The following STARD9 variants were observed in gnomAD, a reference collection of about 807,000 sequenced individuals.
STARD9 encodes the protein stAR-related lipid transfer protein 9.
STARD9 carries 346 observed loss-of-function variants against 399.8 expected under a neutral mutation model. That is an observed-to-expected ratio of 0.87 (90% CI 0.79 to 0.95). STARD9 has a LOEUF of 0.95. STARD9 is among the 40% of genes least tolerant of loss of function. The pLI is 0.00. For synonymous variants in STARD9, 2,203 were observed against 2,143.5 expected, an observed-to-expected ratio of 1.03 and a Z score of -0.77; for missense variants, 5,832 against 5,667.5, an observed-to-expected ratio of 1.03 and a Z score of -0.93.
intron 7 of STARD9, among the ~76,000 whole-genome samples, chr15:42,639,076 C>T (rs747751178): frequency 3.3e-5 from 5 of 152,132 alleles, no homozygotes; most frequent in Non-Finnish European, 5.9e-5. Flanking sequence ...TGGCAAAGAA[C>T]GTTGGAAAGT....
chr15:42,647,663 T>C (rs991708682), intron 7 of STARD9, among the ~76,000 whole-genome samples: 1 of 152,166 alleles, frequency 6.6e-6, no homozygotes, highest in African/African-American at 2.4e-5. Flanking sequence ...TCCTTTTGCT[T>C]TGTTTTACCT....
At chr15:42,718,666 G>A (rs2061395884) in intron 31 of STARD9, 86 bp from the exon 32 acceptor site, 3 of 1,478,384 alleles carry the variant, frequency 2.0e-6, no homozygotes, top group African/African-American at 1.4e-5. Context: ...GCCCAGTGTT[G>A]CCTTTCACCA....
Position 42,689,857 on chromosome 15 carries a change from T to C in STARD9, c.8279T>C (p.Leu2760Pro). The C allele has an allele frequency of 1.3e-6, 2 of 1,537,376 alleles. No homozygotes were observed. Among genetic ancestry groups the C allele is most frequent in the South Asian group, 2.4e-5 (2 of 84,062 alleles). ...YDDPRVTLHE[L>P]SQSVPQETAE... ...GATCCTAGAGTGACTCTGCATGAGC[T>C]AAGTCAGTCAGTTCCGCAGGAGACT... Residue 2760 changes from leucine to proline, a missense_variant, in exon 23 of 33, where the codon CTA (leucine) becomes CCA (proline). By Grantham distance (98) the Leu-to-Pro change is moderately conservative. Coordinates refer to ENST00000290607, the MANE Select transcript of STARD9 (RefSeq NM_020759.3).
rs780625911 is a variant in STARD9 at position 42,692,715 on chromosome 15, G to A, written c.11137G>A (p.Asp3713Asn). The A allele has an allele frequency of 6.5e-7, 1 of 1,537,070 alleles. No individual in the cohort carries two copies. The highest frequency in any genetic ancestry group is 1.2e-5 in the South Asian group (1 of 84,042). ...VARREQNTKR[D>N]IPDKAPQALM... ...CAGAAGGGAGCAGAACACCAAGAGGGACATCCCAGATAAAGCCCCACAGGC... is the reference window on the plus strand; with the variant it reads ...CAGAAGGGAGCAGAACACCAAGAGGAACATCCCAGATAAAGCCCCACAGGC... Residue 3713 changes from aspartate (D) to asparagine (N), a missense_variant, in exon 23 of 33, where the codon GAC becomes AAC. Transcript: ENST00000290607.
chr15:42,692,383 G>T lies in STARD9; in HGVS notation c.10805G>T (p.Ser3602Ile), dbSNP rs964872636. The T allele has an allele frequency of 2.6e-6, 4 of 1,536,884 alleles. No individual in the cohort carries two copies. The African/African-American group carries it at 5.5e-5, about 21-fold the overall frequency. Residue 3602 changes from serine (S) to isoleucine (I), a missense_variant, in exon 23 of 33, where the codon AGT becomes ATT. Ser to Ile is a moderately radical substitution (Grantham distance 142, BLOSUM62 -2). Around this residue, in one of 2 missense-constraint regions of STARD9, gnomAD observed 5,828 missense variants for 5,651.1 expected, o/e 1.03. Coordinates refer to ENST00000290607, the MANE Select transcript of STARD9 (RefSeq NM_020759.3). ...TCTGGTGAAGCAGACTGTCTGAGGA[G>T]TAAGCCCCCCTTGGCCAAAGGAAGT... ...GPSGEADCLRSKPPLAKGSAA... is the reference protein window; with the variant it reads ...GPSGEADCLRIKPPLAKGSAA...
intron 7 of STARD9, among the ~76,000 whole-genome samples, chr15:42,640,782 T>C (rs1485447888): frequency 2.4e-5 from 3 of 122,982 alleles, no homozygotes; most frequent in African/African-American, 6.3e-5. Flanking sequence ...ATCGCGCCAC[T>C]GCACTCCAGC....
chr15:42,633,920 A>G (rs1310167130), intron 3 of STARD9, among the ~76,000 whole-genome samples: 1 of 152,092 alleles, frequency 6.6e-6, no homozygotes, highest in Admixed American at 6.5e-5. Flanking sequence ...TTGGAATTAC[A>G]GGCCTGAGCC....
At chr15:42,599,258 C>T (rs529031133) in intron 3 of STARD9, among the ~76,000 whole-genome samples, 4 of 152,244 alleles carry the variant, frequency 2.6e-5, no homozygotes, top group African/African-American at 7.2e-5. Flanking sequence ...GTTTTGTTTC[C>T]TCAACTGTAT....
chr15:42,675,030 C>T, intron 18 of STARD9, 66 bp downstream of exon 18: 1 of 1,415,592 alleles, frequency 7.1e-7, no homozygotes, highest in Non-Finnish European at 9.2e-7. Context: ...TTCATGGGCC[C>T]AAAGAGCTCA....
rs573759441 is a variant in STARD9, at chr15:42,692,323, C to T, written c.10745C>T (p.Ser3582Leu). The change falls in exon 23 of 33, where the codon TCG becomes TTG. Residue 3582 changes from serine (S) to leucine (L), a missense_variant. Physicochemically the swap from Ser to Leu is moderately radical, Grantham distance 145 (BLOSUM62 -2). Coordinates refer to ENST00000290607, the MANE Select transcript of STARD9 (RefSeq NM_020759.3). ...AGCCCTGAAGGAGTAGCCCCCACTT[C>T]GGGTCATGACAGAAGGCCTCAGTTC... ...PTSPEGVAPT[S>L]GHDRRPQFRG... The T allele has an allele frequency of 5.6e-5, 86 of 1,537,046 alleles. No individual in the cohort carries two copies. The East Asian group carries it at 6.4e-4, about 11-fold the overall frequency.
intron 18 of STARD9, 105 bp downstream of exon 18, chr15:42,675,069 C>A: frequency 8.2e-7 from 1 of 1,224,486 alleles, no homozygotes; most frequent in Non-Finnish European, 1.1e-6. Context: ...ATGGATCACC[C>A]AGCCTCTGCA....
chr15:42,679,554 T>G (rs1193250335), intron 20 of STARD9, among the ~76,000 whole-genome samples: 1 of 152,154 alleles, frequency 6.6e-6, no homozygotes, highest in Non-Finnish European at 1.5e-5. Context: ...CCCCGGGCTA[T>G]TCCACCTATC....
Position 42,689,668 on chromosome 15 carries a change from G to C in STARD9, c.8090G>C (p.Ser2697Thr). Reference protein sequence around the residue: ...GASEPFICHSSSSEIIEKKKD... With the variant: ...GASEPFICHSTSSEIIEKKKD... ...AGTGAACCATTTATATGTCACTCTA[G>C]TTCTTCTGAAATCATAGAGAAAAAG... The change falls in exon 23 of 33, where the codon AGT becomes ACT. Residue 2697 changes from serine (S) to threonine (T), a missense_variant. Physicochemically the swap from Ser to Thr is moderately conservative, Grantham distance 58 (BLOSUM62 1). Coordinates refer to ENST00000290607, the MANE Select transcript of STARD9 (RefSeq NM_020759.3). The C allele has an allele frequency of 6.5e-7, 1 of 1,537,744 alleles. No homozygotes were observed. The highest frequency in any genetic ancestry group is 2.4e-5 in the East Asian group (1 of 40,912).
chr15:42,593,163 A>G (rs1300570387), intron 3 of STARD9, among the ~76,000 whole-genome samples: 1 of 152,030 alleles, frequency 6.6e-6, no homozygotes, highest in Non-Finnish European at 1.5e-5. Context: ...GGCTCATGAT[A>G]TTTTTCTGAG....
chr15:42,635,799 G>C (rs1229692801), intron 4 of STARD9, among the ~76,000 whole-genome samples: 1 of 152,188 alleles, frequency 6.6e-6, no homozygotes, highest in East Asian at 1.9e-4. Context: ...GTGCATGCTA[G>C]AGCTGTGCAG....
intron 3 of STARD9, among the ~76,000 whole-genome samples, chr15:42,588,776 G>GTTTTTTTTTTTTTTTTTTT (rs758570571): frequency 2.6e-5 from 1 of 38,382 alleles, no homozygotes; most frequent in African/African-American, 1.2e-4. Context: ...TCTTCACAGC[G>GTTTTTTTTTTTTTTTTTTT]TTTTTTTTTT....
intron 14 of STARD9, 77 bp from the exon 15 acceptor site, chr15:42,665,709 C>T (rs1333528289): frequency 1.7e-6 from 2 of 1,173,130 alleles, no homozygotes; most frequent in Non-Finnish European, 2.4e-6. Context: ...TCTTATCCTC[C>T]TCCACAAGTG....
At chr15:42,674,636 G>T in intron 17 of STARD9, 145 bp downstream of exon 17, 1 of 1,209,256 alleles carries the variant, frequency 8.3e-7, no homozygotes, top group Non-Finnish European at 1.1e-6. Context: ...CTAGGTTTCA[G>T]GTCTGGGACG....
At chr15:42,652,441 C>A in intron 8 of STARD9, 79 bp from the exon 9 acceptor site, 2 of 1,205,178 alleles carry the variant, frequency 1.7e-6, no homozygotes, top group South Asian at 1.3e-5. Flanking sequence ...ACTAACATTT[C>A]TTGTATTCTG....
Sources: gnomAD v4.1 joint callset for allele counts (sites outside exome capture counted in the v4.1 genomes callset) on GRCh38, gnomAD v4.1.1 for gene constraint, gnomAD v4.1.1 regional missense constraint, MANE v1.5 for transcripts, NCBI Gene and HGNC (gene_info 2026-07-23, HGNC 2026-07-21) for gene names.